The following DUOX1 variants were observed in gnomAD, a reference collection of about 807,000 sequenced individuals.
The protein encoded by DUOX1 is dual oxidase 1.
In DUOX1, 134 loss-of-function variants were observed where a neutral mutation model predicts 181.8. The ratio of observed to expected loss-of-function variants is 0.74; its 90% CI spans 0.64 to 0.85. The LOEUF is 0.85. Among genes scored for constraint, DUOX1 ranks in the 40% least tolerant of loss-of-function variants. The probability of loss-of-function intolerance (pLI) is 0.00; values close to 1 mark genes in which losing one functional copy is unlikely to be tolerated. For missense variants in DUOX1, 1,814 were observed against 2,064.4 expected, an observed-to-expected ratio of 0.88 and a Z score of 2.35; for synonymous variants, 798 against 832.5, an observed-to-expected ratio of 0.96 and a Z score of 0.71.
At chr15:45,133,821 G>T (rs572441850) in intron 2 of DUOX1, 43 bp from the exon 3 acceptor site, 6 of 1,570,700 alleles carry the variant, frequency 3.8e-6, no homozygotes, top group Non-Finnish European at 4.4e-6. Flanking sequence ...GTCCTCTCAC[G>T]CACTGACTTG....
At chr15:45,146,461 A>T (rs1896657926) in intron 18 of DUOX1, among the ~76,000 whole-genome samples, 1 of 152,210 alleles carries the variant, frequency 6.6e-6, no homozygotes, top group Non-Finnish European at 1.5e-5. Context: ...CTGTGCTGAG[A>T]CACGAAGGGT....
rs201771903 is a variant in DUOX1, at chr15:45,148,013, C to T, written c.2642+16C>T. 2.5e-6 allele frequency: 4 copies of T among 1,605,752 alleles called. No individual in the cohort carries two copies. The highest frequency in any genetic ancestry group is 1.7e-5 in the Admixed American group (1 of 60,018). Reference sequence around the variant, plus strand: ...GGATGCTGAGGTTTGTTCTCTGGGACAGCCAGGAGAATGGGCCAGGGCAGG... The same window carrying T: ...GGATGCTGAGGTTTGTTCTCTGGGATAGCCAGGAGAATGGGCCAGGGCAGG... On this transcript the variant is annotated intron_variant, in intron 20 of 33. Coordinates refer to ENST00000389037, the MANE Select transcript of DUOX1 (RefSeq NM_175940.3).
chr15:45,155,468 A>C (rs560956392), intron 27 of DUOX1: 15 of 258,380 alleles, frequency 5.8e-5, no homozygotes, highest in Non-Finnish European at 1.0e-4. Context: ...CAGGAGGCCG[A>C]GGCAGAAGAA....
At chr15:45,131,134 A>G (rs1166263142) in intron 1 of DUOX1, among the ~76,000 whole-genome samples, 1 of 152,036 alleles carries the variant, frequency 6.6e-6, no homozygotes, top group Non-Finnish European at 1.5e-5. Context: ...TTCTTCCTCT[A>G]TCCTAACCCC....
intron 28 of DUOX1, among the ~76,000 whole-genome samples, chr15:45,159,531 T>G (rs971732737): frequency 1.3e-5 from 2 of 151,680 alleles, no homozygotes; most frequent in Non-Finnish European, 2.9e-5. Flanking sequence ...TAAGGAGAGG[T>G]GGACGCAGAA....
chr15:45,150,213 A>G (rs1896765134), intron 21 of DUOX1: 1 of 158,534 alleles, frequency 6.3e-6, no homozygotes, highest in South Asian at 2.0e-4. Flanking sequence ...AGAAAAGTAA[A>G]AAGAACTGTA....
chr15:45,131,835 G>A, intron 1 of DUOX1, 83 bp from the exon 2 acceptor site: 1 of 974,526 alleles, frequency 1.0e-6, no homozygotes, highest in Admixed American at 2.0e-5. Context: ...CCAGCCCCAG[G>A]CCTTGATTCA....
At chr15:45,152,134 C>A in intron 24 of DUOX1, 82 bp downstream of exon 24, 1 of 1,533,534 alleles carries the variant, frequency 6.5e-7, no homozygotes, top group Non-Finnish European at 8.8e-7. Flanking sequence ...GCGATAAGTG[C>A]CAGCCCTGGG....
intron 28 of DUOX1, among the ~76,000 whole-genome samples, chr15:45,159,876 C>T (rs1024543937): frequency 2.0e-5 from 3 of 152,094 alleles, no homozygotes; most frequent in African/African-American, 4.8e-5. Context: ...TACTGTTGGC[C>T]GCGCGCGGTG....
At chr15:45,151,006 C>T in intron 22 of DUOX1, 117 bp from the exon 23 acceptor site, 1 of 1,410,492 alleles carries the variant, frequency 7.1e-7, no homozygotes, top group East Asian at 2.3e-5. Context: ...TCCTGCTGTC[C>T]CCTTGCTGAC....
At chr15:45,146,560 A>C (rs1464101954) in intron 18 of DUOX1, among the ~76,000 whole-genome samples, 4 of 151,714 alleles carry the variant, frequency 2.6e-5, no homozygotes, top group Non-Finnish European at 5.9e-5. Context: ...TTGATCTCGC[A>C]ATAAACCTGT....
At chr15:45,134,085 G>A (rs1896219979) in intron 3 of DUOX1, 60 bp from the exon 4 acceptor site, 2 of 1,539,648 alleles carry the variant, frequency 1.3e-6, no homozygotes, top group Non-Finnish European at 1.7e-6. Flanking sequence ...AAGCCTGGGA[G>A]AGAGGGGGTC....
intron 14 of DUOX1, 70 bp from the exon 15 acceptor site, chr15:45,141,905 C>T (rs1178491998): frequency 1.9e-6 from 3 of 1,541,916 alleles, no homozygotes; most frequent in Admixed American, 3.8e-5. Flanking sequence ...GCCACCCTAA[C>T]CTCCTCCGTG....
chr15:45,136,561 T>C lies in DUOX1; in HGVS notation c.958T>C (p.Ser320Pro). 1 of 1,614,174 alleles carries C rather than the reference T, an allele frequency of 6.2e-7. No individual in the cohort carries two copies. The highest frequency in any genetic ancestry group is 8.5e-7 in the Non-Finnish European group (1 of 1,180,030). Residue 320 changes from serine (S) to proline (P), a missense_variant, in exon 9 of 34, where the codon TCA becomes CCA. Transcript: ENST00000389037. ...GCCATTTCTGGACCCCAGCATCTCCTCAGAGTTCGTGGCGGCCTCTGAGCA... is the reference window on the plus strand; with the variant it reads ...GCCATTTCTGGACCCCAGCATCTCCCCAGAGTTCGTGGCGGCCTCTGAGCA... ...YRPFLDPSIS[S>P]EFVAASEQFL...
At chr15:45,143,837 C>T (rs1896571095) in intron 16 of DUOX1, among the ~76,000 whole-genome samples, 199 bp from the exon 17 acceptor site, 1 of 152,198 alleles carries the variant, frequency 6.6e-6, no homozygotes, top group Admixed American at 6.5e-5. Context: ...AGAAAACATT[C>T]AGGAAATGAT....
intron 17 of DUOX1, 90 bp downstream of exon 17, chr15:45,144,325 A>G (rs1489341010): frequency 1.2e-5 from 16 of 1,354,990 alleles, no homozygotes; most frequent in Non-Finnish European, 1.6e-5. Flanking sequence ...GTCAGGAGGC[A>G]GGAAATGATA....
At chr15:45,137,352 C>A (rs1375721735) in intron 9 of DUOX1, among the ~76,000 whole-genome samples, 3 of 101,502 alleles carry the variant, frequency 3.0e-5, no homozygotes, top group Non-Finnish European at 5.5e-5. Flanking sequence ...AAGAGTGAAA[C>A]TCCATCTCAA....
intron 13 of DUOX1, 79 bp downstream of exon 13, chr15:45,141,149 C>T: frequency 6.3e-7 from 1 of 1,585,934 alleles, no homozygotes; most frequent in Admixed American, 1.7e-5. Context: ...AGACAGCCCC[C>T]ATGAGCCCTT....
chr15:45,139,903 A>T lies in DUOX1; in HGVS notation c.1389+304A>T, dbSNP rs369526510. The T allele has an allele frequency of 5.1e-6, 3 of 593,342 alleles. No individual in the cohort carries two copies. The Admixed American group carries it at 7.6e-5, about 15-fold the overall frequency. The allele number at this position is 593,342 out of a possible 1,614,324, so 36.8% of individuals were successfully genotyped here. ...TCTCCACCCTCCTGAGTGGGTATAG[A>T]AGGTCCTTGACTTAGGAACAATCTG... On this transcript the variant is annotated intron_variant, in intron 12 of 33. Transcript: ENST00000389037.
Sources: gnomAD v4.1 joint callset for allele counts (sites outside exome capture counted in the v4.1 genomes callset) on GRCh38, gnomAD v4.1.1 for gene constraint, MANE v1.5 for transcripts, NCBI Gene and HGNC (gene_info 2026-07-23, HGNC 2026-07-21) for gene names.